Variants in RBM47 observed in about 807,000 individuals in gnomAD.
RBM47 encodes RNA binding motif protein 47.
In RBM47, 21 loss-of-function variants were observed where a neutral mutation model predicts 47.1. That is an observed-to-expected ratio of 0.45 (90% CI 0.32 to 0.64). The LOEUF is 0.64. RBM47 is among the 30% of genes least tolerant of loss of function. The pLI, the probability that RBM47 is intolerant of heterozygous loss-of-function variation, is 0.05. For synonymous variants in RBM47, 375 were observed against 361.7 expected, an observed-to-expected ratio of 1.04 and a Z score of -0.42; for missense variants, 708 against 870.9, an observed-to-expected ratio of 0.81 and a Z score of 2.35.
intron 2 of RBM47, among the ~76,000 whole-genome samples, chr4:40,487,626 A>G (rs539019515): frequency 6.6e-6 from 1 of 152,172 alleles, no homozygotes; most frequent in East Asian, 1.9e-4. Context: ...CCAGACAGTC[A>G]ACTAGGCACC....
intron 1 of RBM47, among the ~76,000 whole-genome samples, chr4:40,611,750 A>C (rs1010602619): frequency 3.9e-5 from 6 of 152,024 alleles, no homozygotes; most frequent in African/African-American, 1.4e-4. Context: ...AAACAAAACA[A>C]AACAAAAAAA....
At chr4:40,579,892 T>C (rs1732716984) in intron 1 of RBM47, among the ~76,000 whole-genome samples, 1 of 151,976 alleles carries the variant, frequency 6.6e-6, no homozygotes, top group Non-Finnish European at 1.5e-5. Flanking sequence ...TGACCACAGG[T>C]GCACACTACC....
intron 1 of RBM47, among the ~76,000 whole-genome samples, chr4:40,554,706 A>C (rs1259075945): frequency 6.6e-6 from 1 of 151,864 alleles, no homozygotes; most frequent in East Asian, 1.9e-4. Context: ...TTAGCAGCAA[A>C]ATCCGACGCT....
intron 1 of RBM47, among the ~76,000 whole-genome samples, chr4:40,551,175 C>T (rs111387301): frequency 6.6e-6 from 1 of 152,306 alleles, no homozygotes; most frequent in African/African-American, 2.4e-5. Context: ...GGTATACACA[C>T]ATCACTATGG....
intron 2 of RBM47, among the ~76,000 whole-genome samples, chr4:40,476,584 G>C (rs1330306924): frequency 6.6e-6 from 1 of 152,032 alleles, no homozygotes; most frequent in Non-Finnish European, 1.5e-5. Flanking sequence ...AGATCAGGAG[G>C]ACCTGAGGCA....
intron 1 of RBM47, among the ~76,000 whole-genome samples, chr4:40,618,996 C>T (rs767355453): frequency 1.3e-5 from 2 of 151,948 alleles, no homozygotes; most frequent in Non-Finnish European, 2.9e-5. Flanking sequence ...CTCAGTCCTT[C>T]CTCCAGGCCA....
chr4:40,604,714 T>TTG (rs141813422), intron 1 of RBM47, among the ~76,000 whole-genome samples: 1 of 151,636 alleles, frequency 6.6e-6, no homozygotes, highest in East Asian at 1.9e-4. Context: ...CACATGGCTC[T>TTG]TTGTTGTTGT....
intron 6 of RBM47, among the ~76,000 whole-genome samples, chr4:40,430,229 CA>C (rs762752275): frequency 1.9e-4 from 23 of 119,498 alleles, no homozygotes; most frequent in African/African-American, 5.2e-4. Context: ...AACAAACAAA[CA>C]AAAAAAGACA....
At chr4:40,565,041 A>C (rs1252537629) in intron 1 of RBM47, among the ~76,000 whole-genome samples, 2 of 152,212 alleles carry the variant, frequency 1.3e-5, no homozygotes, top group Non-Finnish European at 2.9e-5. Context: ...GAAACACTCT[A>C]TCCAGTCACC....
chr4:40,624,002 C>T (rs1737505047), intron 1 of RBM47, among the ~76,000 whole-genome samples: 1 of 152,150 alleles, frequency 6.6e-6, no homozygotes, highest in Non-Finnish European at 1.5e-5. Flanking sequence ...CAGGCGTGTA[C>T]CACCACGCCT....
Position 40,431,622 on chromosome 4 carries a change from C to T in RBM47, c.1542+1029G>A, listed in dbSNP as rs909446075. Among the ~76,000 whole-genome samples, 4 of 148,178 alleles carry T rather than the reference C, an allele frequency of 2.7e-5. No homozygotes were observed. In the South Asian group the frequency reaches 6.4e-4, roughly 24 times the overall value. On this transcript the variant is annotated intron_variant, in intron 6 of 6. Coordinates refer to ENST00000295971, the MANE Select transcript of RBM47 (RefSeq NM_001098634.2). Reference sequence around the variant, plus strand: ...GCAGTGAGCCGAGATGGCGCCACTGCGCTCCAGCCTGGGCGACAGAGCGAG... The same window carrying T: ...GCAGTGAGCCGAGATGGCGCCACTGTGCTCCAGCCTGGGCGACAGAGCGAG...
chr4:40,593,238 T>C (rs1734428812), intron 1 of RBM47, among the ~76,000 whole-genome samples: 2 of 150,948 alleles, frequency 1.3e-5, no homozygotes, highest in Non-Finnish European at 2.9e-5. Context: ...GACCTCGTGA[T>C]CCGCCCACCT....
At chr4:40,460,435 C>T (rs116174732) in intron 3 of RBM47, among the ~76,000 whole-genome samples, 257 of 152,282 alleles carry the variant, frequency 1.7e-3, no homozygotes, top group Non-Finnish European at 2.9e-3. Context: ...AGAGCTCAAC[C>T]GCTTGAGTTC....
chr4:40,502,354 T>C (rs16852279), intron 2 of RBM47, among the ~76,000 whole-genome samples: 27,313 of 152,086 alleles, frequency 0.18, 2,586 homozygotes, highest in East Asian at 0.27. Flanking sequence ...TTGATGAATA[T>C]AGCCTGGTCT....
intron 1 of RBM47, among the ~76,000 whole-genome samples, chr4:40,623,488 G>A (rs1184269464): frequency 6.6e-6 from 1 of 152,068 alleles, no homozygotes; most frequent in Non-Finnish European, 1.5e-5. Flanking sequence ...TTCACTCTTG[G>A]ATTTCTTGGT....
At chr4:40,449,854 C>CT (rs71196869) in intron 3 of RBM47, among the ~76,000 whole-genome samples, 21,546 of 151,870 alleles carry the variant, frequency 0.14, 1,669 homozygotes, top group Admixed American at 0.2. Flanking sequence ...AAGTTTTGTA[C>CT]TTTTTTTAGT....
At chr4:40,464,760 A>G (rs1381726664) in intron 3 of RBM47, among the ~76,000 whole-genome samples, 2 of 151,690 alleles carry the variant, frequency 1.3e-5, no homozygotes, top group African/African-American at 2.4e-5. Context: ...GTACAGTGGC[A>G]GGCACCTGTA....
chr4:40,535,070 TAGG>T (rs1727807101), intron 2 of RBM47, among the ~76,000 whole-genome samples: 1 of 152,072 alleles, frequency 6.6e-6, no homozygotes, highest in Non-Finnish European at 1.5e-5. Flanking sequence ...ATTGACAAAA[TAGG>T]AATCCTAGCC....
At chr4:40,516,790 G>A (rs996198775) in intron 2 of RBM47, among the ~76,000 whole-genome samples, 5 of 152,132 alleles carry the variant, frequency 3.3e-5, no homozygotes, top group Non-Finnish European at 5.9e-5. Flanking sequence ...TCTCAGAGCC[G>A]TAAGGCCCCA....
Sources: gnomAD v4.1 joint callset for allele counts (sites outside exome capture counted in the v4.1 genomes callset) on GRCh38, gnomAD v4.1.1 for gene constraint, MANE v1.5 for transcripts, NCBI Gene and HGNC (gene_info 2026-07-23, HGNC 2026-07-21) for gene names.